The following RPH3A variants were observed in gnomAD, a reference collection of about 807,000 sequenced individuals.
RPH3A encodes the protein rabphilin 3A, also known as rabphilin-3A.
In RPH3A, 48 loss-of-function variants were observed where a neutral mutation model predicts 102.2. That is an observed-to-expected ratio of 0.47 (90% CI 0.37 to 0.60). The LOEUF (loss-of-function observed/expected upper bound fraction) is 0.60, where lower values mean the gene tolerates loss of function less well. Among genes scored for constraint, RPH3A ranks in the 20% least tolerant of loss-of-function variants. RPH3A has a pLI of 0.00. For missense variants in RPH3A, 781 were observed against 910.1 expected, an observed-to-expected ratio of 0.86 and a Z score of 1.83; for synonymous variants, 310 against 324.3, an observed-to-expected ratio of 0.96 and a Z score of 0.47.
chr12:112,712,922 TTCC>T (rs745568372), intron 1 of RPH3A, among the ~76,000 whole-genome samples: 13,932 of 105,156 alleles, frequency 0.13, 1,478 homozygotes, highest in Admixed American at 0.18. Flanking sequence ...CTTCTTCTTC[TTCC>T]TCTTCTTCTT....
At chr12:112,585,954 C>G (rs1379186581) in intron 1 of RPH3A, among the ~76,000 whole-genome samples, 1 of 152,052 alleles carries the variant, frequency 6.6e-6, no homozygotes, top group African/African-American at 2.4e-5. Context: ...TCTGTGGGAC[C>G]AAGGAGGTGG....
At chr12:112,878,753 T>C (rs1360045993) in intron 13 of RPH3A, among the ~76,000 whole-genome samples, 1 of 152,206 alleles carries the variant, frequency 6.6e-6, no homozygotes, top group Non-Finnish European at 1.5e-5. Flanking sequence ...GAACAGCAAA[T>C]GCTGAGACTC....
chr12:112,583,866 G>T (rs541360600), intron 1 of RPH3A, among the ~76,000 whole-genome samples: 1 of 152,092 alleles, frequency 6.6e-6, no homozygotes, highest in Non-Finnish European at 1.5e-5. Context: ...GATGCCTGTA[G>T]TCCCAACTAC....
At chr12:112,690,382 C>G (rs914303248) in intron 1 of RPH3A, among the ~76,000 whole-genome samples, 1 of 152,136 alleles carries the variant, frequency 6.6e-6, no homozygotes, top group African/African-American at 2.4e-5. Flanking sequence ...GGAGTGCACA[C>G]GAAACAATGG....
chr12:112,621,866 C>G (rs1399439762), intron 1 of RPH3A, among the ~76,000 whole-genome samples: 4 of 151,324 alleles, frequency 2.6e-5, no homozygotes, highest in Non-Finnish European at 3.0e-5. Flanking sequence ...GATCTGAGAA[C>G]GGGCAGACTG....
Position 112,875,167 on chromosome 12 carries a change from C to T in RPH3A, c.880C>T (p.Pro294Ser). 2 of 1,598,366 alleles carry T rather than the reference C, an allele frequency of 1.3e-6. No homozygotes were observed. The highest frequency in any genetic ancestry group is 1.1e-5 in the South Asian group (1 of 88,670). The change falls in exon 11 of 22, where the codon CCA becomes TCA. Residue 294 changes from proline (P) to serine (S), a missense_variant. Pro to Ser is a moderately conservative substitution (Grantham distance 74). Around this residue, in one of 2 missense-constraint regions of RPH3A, gnomAD observed 730 missense variants for 810.0 expected, o/e 0.90. Transcript: ENST00000389385. ...CCCAGCGCCACCTCAGCCTGGGCAGCCAGGTACCTGCCACTCACCTGCTAG... is the reference window on the plus strand; with the variant it reads ...CCCAGCGCCACCTCAGCCTGGGCAGTCAGGTACCTGCCACTCACCTGCTAG... Reference protein sequence around the residue: ...QSPAPPQPGQPGTPGGSRPGP... With the variant: ...QSPAPPQPGQSGTPGGSRPGP...
At position 112,879,118 on chromosome 12, in the gene RPH3A, G is replaced by A; in HGVS notation, c.1172-1G>A. On this transcript the variant is annotated splice_acceptor_variant, in intron 13 of 21. Coordinates refer to ENST00000389385, the MANE Select transcript of RPH3A (RefSeq NM_001143854.2). LOFTEE classifies it high-confidence loss of function. Reference sequence around the variant, plus strand: ...TTGGTTCCTGTCTCTGCCCCCTTCAGCCACCCTGGGTGCCCTGGAATTCAG... The same window carrying A: ...TTGGTTCCTGTCTCTGCCCCCTTCAACCACCCTGGGTGCCCTGGAATTCAG... 2 of 1,613,612 alleles carry A rather than the reference G, an allele frequency of 1.2e-6. No homozygotes were observed. Among genetic ancestry groups the A allele is most frequent in the Non-Finnish European group, 1.7e-6 (2 of 1,179,708 alleles).
chr12:112,811,731 T>C (rs527236921), intron 2 of RPH3A, among the ~76,000 whole-genome samples: 1 of 152,326 alleles, frequency 6.6e-6, no homozygotes, highest in South Asian at 2.1e-4. Context: ...GTAGGCAAAT[T>C]TGCAAATGTG....
intron 4 of RPH3A, among the ~76,000 whole-genome samples, chr12:112,842,363 A>G (rs541084418): frequency 6.6e-6 from 1 of 152,252 alleles, no homozygotes; most frequent in South Asian, 2.1e-4. Context: ...TACATGGTCT[A>G]GTTGACCCTC....
At chr12:112,827,335 A>G (rs2041894841) in intron 2 of RPH3A, among the ~76,000 whole-genome samples, 1 of 152,192 alleles carries the variant, frequency 6.6e-6, no homozygotes, top group African/African-American at 2.4e-5. Flanking sequence ...GGCTTCTTTC[A>G]GTTAGCATCA....
At chr12:112,800,925 C>G (rs79990161) in intron 2 of RPH3A, among the ~76,000 whole-genome samples, 1 of 152,156 alleles carries the variant, frequency 6.6e-6, no homozygotes, top group Admixed American at 6.5e-5. Context: ...TCCACGCTAG[C>G]TAAAATGCAC....
chr12:112,801,674 G>T (rs1320652655), intron 2 of RPH3A, among the ~76,000 whole-genome samples: 3 of 152,146 alleles, frequency 2.0e-5, no homozygotes, highest in African/African-American at 4.8e-5. Context: ...AAGAATCTTT[G>T]TTAGGGTGCG....
chr12:112,784,432 C>T (rs2041030374), intron 1 of RPH3A, among the ~76,000 whole-genome samples: 1 of 152,168 alleles, frequency 6.6e-6, no homozygotes, highest in South Asian at 2.1e-4. Flanking sequence ...ACAGCAGCAT[C>T]TTGAAGATAC....
At chr12:112,732,642 T>C (rs1398674111) in intron 1 of RPH3A, among the ~76,000 whole-genome samples, 1 of 152,188 alleles carries the variant, frequency 6.6e-6, no homozygotes, top group Non-Finnish European at 1.5e-5. Context: ...TGAGCTGCAG[T>C]GAGGGTCCAG....
chr12:112,890,840 C>A lies in RPH3A; in HGVS notation c.1621-9C>A, dbSNP rs756775190. 3.1e-6 allele frequency: 5 copies of A among 1,612,634 alleles called. No homozygotes were observed. Among genetic ancestry groups the A allele is most frequent in the Non-Finnish European group, 3.4e-6 (4 of 1,179,182 alleles). ...TCCAAGGCCCACACTGCCTTTTCCC[C>A]CAATGCAGCAGGTGGAGCGTGTTGG... On this transcript the variant is annotated splice_polypyrimidine_tract_variant and intron_variant, in intron 18 of 21. Coordinates refer to ENST00000389385, the MANE Select transcript of RPH3A (RefSeq NM_001143854.2).
intron 5 of RPH3A, among the ~76,000 whole-genome samples, chr12:112,852,941 A>C (rs1386763183): frequency 6.6e-6 from 1 of 152,190 alleles, no homozygotes; most frequent in African/African-American, 2.4e-5. Context: ...GGTGGCTTCC[A>C]TTCGAGGTCA....
intron 1 of RPH3A, among the ~76,000 whole-genome samples, chr12:112,675,782 A>G (rs2040170183): frequency 6.6e-6 from 1 of 152,192 alleles, no homozygotes; most frequent in Admixed American, 6.5e-5. Context: ...GGATATTTTC[A>G]GGGTCATATG....
chr12:112,671,898 T>C (rs773585060), intron 1 of RPH3A, among the ~76,000 whole-genome samples: 14 of 151,008 alleles, frequency 9.3e-5, no homozygotes, highest in South Asian at 4.2e-4. Context: ...CACACCCCAA[T>C]AGGATATATA....
At chr12:112,682,893 C>T (rs1212467218) in intron 1 of RPH3A, among the ~76,000 whole-genome samples, 1 of 152,192 alleles carries the variant, frequency 6.6e-6, no homozygotes, top group Non-Finnish European at 1.5e-5. Context: ...GCTGGTCTCC[C>T]ACTCCTTATC....
Sources: allele counts gnomAD v4.1 joint callset (sites outside exome capture counted in the v4.1 genomes callset), GRCh38; gene constraint gnomAD v4.1.1; regional missense constraint gnomAD v4.1.1; transcripts MANE v1.5; gene names NCBI Gene and HGNC (gene_info 2026-07-23, HGNC 2026-07-21).